Variants in DAB1 observed in about 807,000 individuals in gnomAD.
DAB1 encodes the protein DAB adaptor protein 1.
A neutral mutation model predicts 64.6 loss-of-function variants in DAB1; 15 were observed. The ratio of observed to expected loss-of-function variants is 0.23; its 90% CI spans 0.16 to 0.36. The LOEUF (loss-of-function observed/expected upper bound fraction) is 0.36, where lower values mean the gene tolerates loss of function less well. Among genes scored for constraint, DAB1 ranks in the 10% least tolerant of loss-of-function variants. DAB1 has a pLI of 1.00. For missense variants in DAB1, 596 were observed against 706.7 expected (o/e 0.84, Z 1.78); for synonymous variants, 235 against 251.9 (o/e 0.93, Z 0.64).
At chr1:58,264,640 A>G (rs1453688722) in intron 4 of DAB1, among the ~76,000 whole-genome samples, 1 of 152,224 alleles carries the variant, frequency 6.6e-6, no homozygotes, top group Non-Finnish European at 1.5e-5. Flanking sequence ...ACATCAAACT[A>G]TTAGGAAAGA....
chr1:57,834,343 G>C (rs1332417885), intron 1 of DAB1, among the ~76,000 whole-genome samples: 3 of 152,094 alleles, frequency 2.0e-5, no homozygotes, highest in Non-Finnish European at 4.4e-5. Flanking sequence ...ATACACAGAG[G>C]CTAACTAATA....
intron 5 of DAB1, among the ~76,000 whole-genome samples, chr1:58,113,725 T>C (rs1269281067): frequency 6.6e-6 from 1 of 152,134 alleles, no homozygotes; most frequent in Non-Finnish European, 1.5e-5. Context: ...CCAGGAAATT[T>C]GTGCAGTGTT....
At chr1:58,319,632 A>G (rs1407423127) in intron 4 of DAB1, among the ~76,000 whole-genome samples, 4 of 152,206 alleles carry the variant, frequency 2.6e-5, no homozygotes. Flanking sequence ...TATATATTAC[A>G]TCTTCAGTTG....
At chr1:57,694,865 T>A (rs1319950268) in intron 6 of DAB1, among the ~76,000 whole-genome samples, 2 of 152,082 alleles carry the variant, frequency 1.3e-5, no homozygotes, top group Non-Finnish European at 2.9e-5. Flanking sequence ...CATCACATTA[T>A]TTTGTTCTTA....
intron 3 of DAB1, among the ~76,000 whole-genome samples, chr1:58,497,501 A>G (rs935136481): frequency 4.6e-5 from 7 of 152,198 alleles, no homozygotes; most frequent in Non-Finnish European, 8.8e-5. Context: ...TCATTCCAAA[A>G]TAAGACTCCA....
intron 5 of DAB1, among the ~76,000 whole-genome samples, chr1:58,007,007 T>A (rs1014010259): frequency 1.3e-5 from 2 of 152,174 alleles, no homozygotes; most frequent in Admixed American, 1.3e-4. Flanking sequence ...TCATTCTACA[T>A]CTCAGTGAGG....
chr1:57,980,916 C>T (rs1021507837), intron 5 of DAB1, among the ~76,000 whole-genome samples: 2 of 150,896 alleles, frequency 1.3e-5, no homozygotes, highest in South Asian at 2.3e-4. Context: ...TATATATACA[C>T]ACACACACAC....
In DAB1 at chr1:58,060,035, C is replaced by A. The variant is rs143513057; in HGVS notation, n.387+90476G>T. On this transcript the variant is annotated intron_variant and non_coding_transcript_variant, in intron 5 of 20. Transcript: ENST00000485760. ...TTTTCATGTAGTGCAGGGGAGGGCA[C>A]ACCAAGCCAGGAGGAGCAGGCTGGG... 871 of 152,488 alleles carry A rather than the reference C, an allele frequency of 5.7e-3. 3 individuals are homozygous for A. The highest frequency in any genetic ancestry group is 9.3e-3 in the Non-Finnish European group (636 of 68,250). The allele number at this position is 152,488 out of a possible 1,614,324, so 9.4% of individuals were successfully genotyped here. A position where few individuals can be genotyped will look rare whatever the true frequency, so the allele number is the denominator to read the frequency against.
intron 5 of DAB1, among the ~76,000 whole-genome samples, chr1:58,013,463 CA>C (rs141918961): frequency 0.068 from 10,375 of 152,116 alleles, 480 homozygotes; most frequent in Admixed American, 0.11. Context: ...CCACATGCTC[CA>C]AAAAAAGAGA....
intron 4 of DAB1, among the ~76,000 whole-genome samples, chr1:58,184,906 G>A (rs1024211277): frequency 2.6e-5 from 4 of 152,166 alleles, no homozygotes; most frequent in African/African-American, 9.7e-5. Flanking sequence ...GGGAACAAGA[G>A]ATTGATATGG....
At chr1:57,884,693 G>C (rs917104867), upstream of DAB1, among the ~76,000 whole-genome samples, 5 of 152,152 alleles carry the variant, frequency 3.3e-5, no homozygotes, top group African/African-American at 7.2e-5. Context: ...GCTATAGTTC[G>C]GATGTTTGTC....
chr1:58,357,106 G>A (rs866587910), intron 3 of DAB1, among the ~76,000 whole-genome samples: 26 of 151,224 alleles, frequency 1.7e-4, no homozygotes, highest in African/African-American at 6.3e-4. Context: ...AAGATTTTAA[G>A]CAGGGAATGG....
chr1:57,700,394 C>A (rs1646893379), intron 6 of DAB1, among the ~76,000 whole-genome samples: 1 of 152,098 alleles, frequency 6.6e-6, no homozygotes, highest in South Asian at 2.1e-4. Flanking sequence ...AGATAAATAC[C>A]CAGCTCCAAA....
In DAB1 at chr1:57,285,258, C is replaced by CCTTT. The variant is rs938074815; in HGVS notation, c.67+5702_67+5705dup. Reference sequence around the variant, plus strand: ...CTCTTTACTCACAGTATCTCCCTCACCTTTCTTTCTTTCTTTTTTTCTTTT... The same window carrying CCTTT: ...CTCTTTACTCACAGTATCTCCCTCACCTTTCTTTCTTTCTTTCTTTTTTTCTTTT... On this transcript the variant is annotated intron_variant, in intron 2 of 14. Transcript: ENST00000371236. 4.2e-4 allele frequency among the ~76,000 whole-genome samples: 64 copies of CCTTT among 152,098 alleles called. 1 individual carries two copies. The South Asian group carries it at 0.013, about 30-fold the overall frequency.
intron 7 of DAB1, among the ~76,000 whole-genome samples, chr1:57,500,843 G>T (rs990422507): frequency 2.0e-5 from 3 of 152,196 alleles, no homozygotes; most frequent in Admixed American, 2.0e-4. Context: ...CAGAGGTAGT[G>T]AGTGGTCATG....
chr1:58,147,046 C>A (rs1654636458), intron 5 of DAB1, among the ~76,000 whole-genome samples: 1 of 152,142 alleles, frequency 6.6e-6, no homozygotes. Flanking sequence ...GTGGCTCACG[C>A]CTGTAATCCC....
chr1:57,120,935 C>T (rs1656580732), intron 4 of DAB1, among the ~76,000 whole-genome samples: 1 of 151,828 alleles, frequency 6.6e-6, no homozygotes, highest in African/African-American at 2.4e-5. Flanking sequence ...TGTGGAAGGA[C>T]AAAAGAGAGA....
chr1:57,679,493 T>C (rs1355161876), intron 6 of DAB1, among the ~76,000 whole-genome samples: 1 of 152,246 alleles, frequency 6.6e-6, no homozygotes, highest in Non-Finnish European at 1.5e-5. Flanking sequence ...TTCACAGTCC[T>C]CAGGCCAGGG....
intron 14 of DAB1, among the ~76,000 whole-genome samples, chr1:57,008,106 G>T (rs1007562729): frequency 1.3e-5 from 2 of 152,192 alleles, no homozygotes; most frequent in Non-Finnish European, 2.9e-5. Context: ...TTACAGTCCA[G>T]CCCTCCTCTG....
Sources: gnomAD v4.1 joint callset for allele counts (sites outside exome capture counted in the v4.1 genomes callset) on GRCh38, gnomAD v4.1.1 for gene constraint, MANE v1.5 for transcripts, NCBI Gene and HGNC (gene_info 2026-07-23, HGNC 2026-07-21) for gene names.